Variants in SFSWAP observed in about 807,000 individuals in gnomAD.
The protein encoded by SFSWAP is splicing factor SWAP, also known as splicing factor, suppressor of white-apricot homolog.
SFSWAP carries 17 observed loss-of-function variants against 100.7 expected under a neutral mutation model. The observed-to-expected ratio is 0.17, with a 90% confidence interval of 0.12 to 0.25. The LOEUF (loss-of-function observed/expected upper bound fraction) is 0.25. Ranked by LOEUF, SFSWAP falls within the 10% of genes least tolerant of loss-of-function variation. The pLI, the probability that SFSWAP is intolerant of heterozygous loss-of-function variation, is 1.00. For missense variants in SFSWAP, 1,005 were observed against 1,262.6 expected, an observed-to-expected ratio of 0.80 and a Z score of 3.09; for synonymous variants, 504 against 510.1, an observed-to-expected ratio of 0.99 and a Z score of 0.16.
chr12:131,781,818 A>C (rs1884529650), intron 14 of SFSWAP, among the ~76,000 whole-genome samples: 1 of 152,258 alleles, frequency 6.6e-6, no homozygotes, highest in Admixed American at 6.5e-5. Context: ...TAAGGGATTT[A>C]AAAGCATTTG....
chr12:131,774,341 CCA>C (rs1314868075), intron 13 of SFSWAP, among the ~76,000 whole-genome samples: 1 of 152,172 alleles, frequency 6.6e-6, no homozygotes, highest in Non-Finnish European at 1.5e-5. Context: ...GTTTGTTTTG[CCA>C]CAGTAGGAAA....
chr12:131,797,366 C>G lies in SFSWAP; in HGVS notation c.2717+6C>G. ...TCCAGCCAGGAGCGCTCCAGGTAAC[C>G]CCTGTCCTCCAGCAGCTCTCTCTGG... On this transcript the variant is annotated splice_donor_region_variant and intron_variant, in intron 16 of 17. Coordinates refer to ENST00000261674, the MANE Select transcript of SFSWAP (RefSeq NM_004592.4). The G allele has an allele frequency of 6.3e-7, 1 of 1,599,584 alleles. No homozygotes were observed.
intron 7 of SFSWAP, among the ~76,000 whole-genome samples, chr12:131,738,544 A>C (rs1880263075): frequency 6.6e-6 from 1 of 152,246 alleles, no homozygotes; most frequent in Non-Finnish European, 1.5e-5. Flanking sequence ...TCTAAAAATG[A>C]AGTAACTGTC....
chr12:131,711,439 C>T lies in SFSWAP; in HGVS notation c.210C>T (p.Leu70=), dbSNP rs770868114. ...CCTGGATGGGGGACCACAAGATCCT[C>T]ATCGACAGGTCGGTTCCTCTCCCCA... is the stretch of plus-strand genomic sequence containing the variant. ...LIPWMGDHKI[L]IDRYDGRGHL... Residue 70 remains leucine, a synonymous_variant, in exon 1 of 18, where the codon CTC becomes CTT. Coordinates refer to ENST00000261674, the MANE Select transcript of SFSWAP (RefSeq NM_004592.4). The surrounding 1 kb of genome is among the most constrained non-coding windows in gnomAD (Gnocchi z 4.9). 12 of 1,612,688 alleles carry T rather than the reference C, an allele frequency of 7.4e-6. No individual in the cohort carries two copies. The East Asian group carries it at 1.1e-4, about 15-fold the overall frequency.
chr12:131,768,158 G>A (rs1192541325), intron 13 of SFSWAP, among the ~76,000 whole-genome samples: 1 of 152,214 alleles, frequency 6.6e-6, no homozygotes, highest in Non-Finnish European at 1.5e-5. Flanking sequence ...CCCATGAAGG[G>A]CCTTCTCCTG....
chr12:131,713,090 A>G (rs1209501171), intron 1 of SFSWAP: 1 of 152,146 alleles, frequency 6.6e-6, no homozygotes, highest in Non-Finnish European at 1.5e-5. Flanking sequence ...GTCTACATTA[A>G]TATTTTTGGT....
chr12:131,795,510 A>G (rs972958677), intron 15 of SFSWAP, among the ~76,000 whole-genome samples: 2 of 152,174 alleles, frequency 1.3e-5, no homozygotes, highest in South Asian at 4.1e-4. Context: ...AGATGGGTAG[A>G]GGGCACAGCC....
At position 131,714,666 on chromosome 12, in the gene SFSWAP, A is replaced by G. The variant is rs1877713435; in HGVS notation, c.389-156A>G. ...TGTACTGACAAAAGTACATAATGATAGATATAAAGTGTGAATTTTTAAAAC... is the reference window on the plus strand; with the variant it reads ...TGTACTGACAAAAGTACATAATGATGGATATAAAGTGTGAATTTTTAAAAC... On this transcript the variant is annotated intron_variant, in intron 2 of 17. Coordinates refer to ENST00000261674, the MANE Select transcript of SFSWAP (RefSeq NM_004592.4). The surrounding 1 kb of genome is among the most constrained non-coding windows in gnomAD (Gnocchi z 6.0). 3.1e-6 allele frequency: 2 copies of G among 645,150 alleles called. No individual in the cohort carries two copies. 40.0% of individuals were successfully genotyped at this position (645,150 alleles called of 1,614,324 possible).
At chr12:131,720,154 T>C (rs546091895) in intron 4 of SFSWAP, among the ~76,000 whole-genome samples, 1 of 152,346 alleles carries the variant, frequency 6.6e-6, no homozygotes, top group Admixed American at 6.5e-5. Context: ...TTATAACAGG[T>C]GTTAAAGCCC....
chr12:131,767,894 C>T (rs753181607), intron 13 of SFSWAP, among the ~76,000 whole-genome samples: 1 of 152,278 alleles, frequency 6.6e-6, no homozygotes, highest in East Asian at 1.9e-4. Context: ...CTACTATGCT[C>T]ACTGCCTGGG....
intron 8 of SFSWAP, 198 bp downstream of exon 8, chr12:131,753,561 A>G: frequency 1.4e-6 from 1 of 693,416 alleles, no homozygotes; most frequent in South Asian, 2.4e-5. Flanking sequence ...ACTTTTTAGC[A>G]TTGAAGTTAA....
chr12:131,791,400 A>G (rs1391908002), intron 15 of SFSWAP, among the ~76,000 whole-genome samples: 3 of 151,738 alleles, frequency 2.0e-5, no homozygotes, highest in Non-Finnish European at 4.4e-5. Context: ...AAGAAAAATA[A>G]ACGAAACTTT....
chr12:131,720,540 G>C (rs979123573), intron 4 of SFSWAP, among the ~76,000 whole-genome samples: 3 of 152,240 alleles, frequency 2.0e-5, no homozygotes, highest in Admixed American at 1.3e-4. Flanking sequence ...TGGATTGCAA[G>C]TGGCATCGAT....
At chr12:131,789,059 C>A (rs1023010886) in intron 15 of SFSWAP, among the ~76,000 whole-genome samples, 1 of 152,112 alleles carries the variant, frequency 6.6e-6, no homozygotes, top group Non-Finnish European at 1.5e-5. Flanking sequence ...CAGCTCACTG[C>A]GGCCTCAACC....
rs182515618 is a variant in SFSWAP at position 131,726,223 on chromosome 12, G to A, written c.832+593G>A. On this transcript the variant is annotated intron_variant, in intron 5 of 17. Coordinates refer to ENST00000261674, the MANE Select transcript of SFSWAP (RefSeq NM_004592.4). Reference sequence around the variant, plus strand: ...TTGAATTTTTTTTTTTTTAATTGGCGACAGAGTCTCGCTCTTGTCGCCCAG... The same window carrying A: ...TTGAATTTTTTTTTTTTTAATTGGCAACAGAGTCTCGCTCTTGTCGCCCAG... 4.5e-3 allele frequency among the ~76,000 whole-genome samples: 669 copies of A among 150,236 alleles called. 7 individuals are homozygous for A. The highest frequency in any genetic ancestry group is 0.014 in the African/African-American group (566 of 40,824).
intron 8 of SFSWAP, chr12:131,753,585 T>G: frequency 1.7e-6 from 1 of 588,508 alleles, no homozygotes; most frequent in Non-Finnish European, 2.9e-6. Flanking sequence ...ACTTATAAAG[T>G]TGAATTCATT....
In SFSWAP at chr12:131,798,345, C is replaced by T. The variant is rs554340518; in HGVS notation, c.2718-692C>T. 3.3e-5 allele frequency among the ~76,000 whole-genome samples: 5 copies of T among 152,258 alleles called. No homozygotes were observed. The South Asian group carries it at 1.0e-3, about 32-fold the overall frequency. On this transcript the variant is annotated intron_variant, in intron 16 of 17. Coordinates refer to ENST00000261674, the MANE Select transcript of SFSWAP (RefSeq NM_004592.4). Reference sequence around the variant, plus strand: ...ATAAAATGTACATCAGTGTAGGAGGCTGAGCATCGCTGCGGGGAGGGGGTG... The same window carrying T: ...ATAAAATGTACATCAGTGTAGGAGGTTGAGCATCGCTGCGGGGAGGGGGTG...
intron 11 of SFSWAP, 94 bp downstream of exon 11, chr12:131,756,738 C>T (rs999798806): frequency 1.7e-6 from 2 of 1,182,592 alleles, no homozygotes; most frequent in African/African-American, 3.1e-5. Context: ...CCCTCACCTG[C>T]AGGCTGGGGT....
chr12:131,772,824 C>A (rs1454892649), intron 13 of SFSWAP, among the ~76,000 whole-genome samples: 1 of 152,184 alleles, frequency 6.6e-6, no homozygotes, highest in Admixed American at 6.5e-5. Flanking sequence ...CAGCAAGAAT[C>A]AGGTCACACG....
Sources: allele counts gnomAD v4.1 joint callset (sites outside exome capture counted in the v4.1 genomes callset), GRCh38; gene constraint gnomAD v4.1.1; non-coding constraint Gnocchi (gnomAD v3.1); transcripts MANE v1.5; gene names NCBI Gene and HGNC (gene_info 2026-07-23, HGNC 2026-07-21).